The following PCDHGB5 variants were observed in gnomAD, a reference collection of about 807,000 sequenced individuals.
PCDHGB5 encodes the protein protocadherin gamma-B5.
Under a neutral mutation model 62.9 loss-of-function variants are expected in PCDHGB5, and 48 were observed. The ratio of observed to expected loss-of-function variants is 0.76; its 90% confidence interval spans 0.61 to 0.97. The LOEUF is 0.97. Ranked by LOEUF, PCDHGB5 falls within the 50% of genes least tolerant of loss-of-function variation. The pLI is 0.00. For missense variants in PCDHGB5, 1,118 were observed against 1,198.6 expected, an observed-to-expected ratio of 0.93 and a Z score of 0.99; for synonymous variants, 474 against 511.2, an observed-to-expected ratio of 0.93 and a Z score of 0.98.
chr5:141,407,589 C>G (rs1305349867), intron 1 of PCDHGB5, among the ~76,000 whole-genome samples: 1 of 151,660 alleles, frequency 6.6e-6, no homozygotes, highest in Non-Finnish European at 1.5e-5. Context: ...ACCTTAATGT[C>G]TCATCTTAAA....
At chr5:141,478,804 G>C (rs765938054) in intron 1 of PCDHGB5, 48 of 1,462,396 alleles carry the variant, frequency 3.3e-5, no homozygotes, top group Non-Finnish European at 4.1e-5. Context: ...GCACTCTTTT[G>C]CTATCACAAC....
chr5:141,489,692 G>A lies in PCDHGB5; in HGVS notation c.2398-5115G>A. 1.9e-6 allele frequency: 3 copies of A among 1,614,128 alleles called. No individual in the cohort carries two copies. The highest frequency in any genetic ancestry group is 1.7e-6 in the Non-Finnish European group (2 of 1,179,980). On this transcript the variant is annotated intron_variant, in intron 1 of 3. Coordinates refer to ENST00000617380, the MANE Select transcript of PCDHGB5 (RefSeq NM_018925.3). The surrounding 1 kb of genome is among the most constrained non-coding windows in gnomAD (Gnocchi z 4.5). The stretch of plus-strand genomic sequence containing the variant: ...TCAGAATCAGCAGCATCTGGGGCAC[G>A]ATTCCCACTGGACAGTGCCCAGGAT...
intron 1 of PCDHGB5, chr5:141,419,481 C>A (rs2096389716): frequency 2.5e-6 from 4 of 1,612,424 alleles, no homozygotes; most frequent in Non-Finnish European, 3.4e-6. Context: ...GGCTCGCCCG[C>A]GCTCAGCGCC....
At chr5:141,422,153 AT>A (rs750082013) in intron 1 of PCDHGB5, 4 of 1,575,250 alleles carry the variant, frequency 2.5e-6, no homozygotes, top group Non-Finnish European at 3.4e-6. Context: ...GGGTCTCTGG[AT>A]TTTGAAAAAT....
intron 1 of PCDHGB5, among the ~76,000 whole-genome samples, chr5:141,474,588 A>G (rs2099351676): frequency 6.6e-6 from 1 of 152,258 alleles, no homozygotes; most frequent in Non-Finnish European, 1.5e-5. Context: ...TGTTAAAGAC[A>G]TGGAAATATA....
chr5:141,491,966 G>A lies in PCDHGB5; in HGVS notation c.2398-2841G>A. 1.1e-6 allele frequency: 1 copy of A among 943,066 alleles called. No individual in the cohort carries two copies. Among genetic ancestry groups the A allele is most frequent in the Non-Finnish European group, 1.5e-6 (1 of 669,210 alleles). The allele number at this position is 943,066 out of a possible 1,614,324, so 58.4% of individuals were successfully genotyped here. On this transcript the variant is annotated intron_variant, in intron 1 of 3. Coordinates refer to ENST00000617380, the MANE Select transcript of PCDHGB5 (RefSeq NM_018925.3). The surrounding 1 kb of genome is among the most constrained non-coding windows in gnomAD (Gnocchi z 6.9). ...CCACCCCTACACTCAAAAAAGGCCG[G>A]GGCCTCCTTCGAGCTTCCGGTGAAT...
Position 141,491,454 on chromosome 5 carries a change from C to T in PCDHGB5, c.2398-3353C>T. The T allele has an allele frequency of 1.9e-6, 3 of 1,614,120 alleles. No individual in the cohort carries two copies. The highest frequency in any genetic ancestry group is 2.5e-6 in the Non-Finnish European group (3 of 1,180,032). On this transcript the variant is annotated intron_variant, in intron 1 of 3. Coordinates refer to ENST00000617380, the MANE Select transcript of PCDHGB5 (RefSeq NM_018925.3). This position sits in a 1 kb window ranked among gnomAD's most constrained non-coding sequence, Gnocchi z 6.9. ...GCTGCAGGCGCCAGGACTCACCCTCCCCGGACTTCTATAAGCAGTCCAGCC... is the reference window on the plus strand; with the variant it reads ...GCTGCAGGCGCCAGGACTCACCCTCTCCGGACTTCTATAAGCAGTCCAGCC...
At chr5:141,412,591 A>G (rs2095564760) in intron 1 of PCDHGB5, 1 of 152,214 alleles carries the variant, frequency 6.6e-6, no homozygotes, top group Non-Finnish European at 1.5e-5. Flanking sequence ...ATGAATGTAT[A>G]CTAAATAAAA....
At position 141,398,241 on chromosome 5, in the gene PCDHGB5, C is replaced by G; in HGVS notation, c.114C>G (p.Pro38=). The G allele has an allele frequency of 6.8e-7, 1 of 1,474,150 alleles. No homozygotes were observed. Among genetic ancestry groups the G allele is most frequent in the South Asian group, 1.2e-5 (1 of 80,054 alleles). 91.3% of individuals were successfully genotyped at this position (1,474,150 alleles called of 1,614,324 possible). A position where few individuals can be genotyped will look rare whatever the true frequency, so the allele number is the denominator to read the frequency against. ...ALCEQIRYRI[P]EEMPKGSVVG... is the part of the protein sequence containing the mutation. ...GTGAGCAGATCCGCTACAGGATTCCCGAGGAAATGCCCAAGGGCTCCGTAG... is the reference window on the plus strand; with the variant it reads ...GTGAGCAGATCCGCTACAGGATTCCGGAGGAAATGCCCAAGGGCTCCGTAG... The change falls in exon 1 of 4, where the codon CCC becomes CCG. Residue 38 remains proline (P), a synonymous_variant. Transcript: ENST00000617380.
At chr5:141,413,390 C>T (rs1373497766) in intron 1 of PCDHGB5, 1 of 1,614,010 alleles carries the variant, frequency 6.2e-7, no homozygotes, top group African/African-American at 1.3e-5. Context: ...CGCATAGTCT[C>T]CAGAGGTAGG....
intron 1 of PCDHGB5, among the ~76,000 whole-genome samples, chr5:141,444,703 T>A (rs963617867): frequency 6.6e-6 from 1 of 152,248 alleles, no homozygotes; most frequent in Non-Finnish European, 1.5e-5. Context: ...TTCCTCTTTC[T>A]GTTGAATTTG....
chr5:141,490,641 G>A lies in PCDHGB5; in HGVS notation c.2398-4166G>A. 3 of 1,614,160 alleles carry A rather than the reference G, an allele frequency of 1.9e-6. No homozygotes were observed. On this transcript the variant is annotated intron_variant, in intron 1 of 3. Transcript: ENST00000617380. This position sits in a 1 kb window ranked among gnomAD's most constrained non-coding sequence, Gnocchi z 5.4. Reference sequence around the variant, plus strand: ...ACACTGCTTACATCCTAGAAAACCGGCCTCCGGGCTCCCTTCTTTGCACTG... The same window carrying A: ...ACACTGCTTACATCCTAGAAAACCGACCTCCGGGCTCCCTTCTTTGCACTG...
Position 141,503,010 on chromosome 5 carries a change from AT to A in PCDHGB5, c.2457-2371del, listed in dbSNP as rs199924715. ...AGGCGTGTGCCACCATGCCCGGTTA[AT>A]TTTTTTTTTTTAATATCTATTTTAG... On this transcript the variant is annotated intron_variant, in intron 2 of 3. Coordinates refer to ENST00000617380, the MANE Select transcript of PCDHGB5 (RefSeq NM_018925.3). Among the ~76,000 whole-genome samples the A allele has an allele frequency of 6.8e-3, 997 of 146,562 alleles. 9 individuals are homozygous for A. The highest frequency in any genetic ancestry group is 0.023 in the African/African-American group (916 of 39,838).
In PCDHGB5 at chr5:141,399,746, C is replaced by G. The variant is rs1478736881; in HGVS notation, c.1619C>G (p.Ala540Gly). Residue 540 changes from alanine (A) to glycine (G), a missense_variant, in exon 1 of 4, where the codon GCA becomes GGA. Around this residue, in one of 2 missense-constraint regions of PCDHGB5, gnomAD observed 1,034 missense variants for 1,029.1 expected, o/e 1.00. Coordinates refer to ENST00000617380, the MANE Select transcript of PCDHGB5 (RefSeq NM_018925.3). ...GACCAGGGCTCGCCTGCGCTCAGCG[C>G]AAACGTGAGCCTGCGCGTGTTGGTG... Reference protein sequence around the residue: ...ARDQGSPALSANVSLRVLVGD... With the variant: ...ARDQGSPALSGNVSLRVLVGD... 4 of 1,613,242 alleles carry G rather than the reference C, an allele frequency of 2.5e-6. No homozygotes were observed. The highest frequency in any genetic ancestry group is 2.7e-5 in the African/African-American group (2 of 74,950).
At chr5:141,403,240 T>A (rs948095468) in intron 1 of PCDHGB5, 2 of 1,613,926 alleles carry the variant, frequency 1.2e-6, no homozygotes, top group Admixed American at 3.3e-5. Flanking sequence ...AGGAGCTCTG[T>A]GCTCAGAGCC....
intron 1 of PCDHGB5, chr5:141,410,592 T>C: frequency 1.2e-6 from 2 of 1,609,264 alleles, no homozygotes; most frequent in Non-Finnish European, 1.7e-6. Context: ...GGGGAGGATT[T>C]GACTTCACAT....
At chr5:141,507,017 C>CACTT (rs763489200) in intron 3 of PCDHGB5, 1 of 152,206 alleles carries the variant, frequency 6.6e-6, no homozygotes, top group Non-Finnish European at 1.5e-5. Flanking sequence ...ACCGAGAAGG[C>CACTT]ACTTGCCCCA....
intron 2 of PCDHGB5, 88 bp from the exon 3 acceptor site, chr5:141,505,305 C>G (rs1363643214): frequency 1.0e-5 from 16 of 1,595,104 alleles, no homozygotes; most frequent in African/African-American, 2.7e-5. Flanking sequence ...GGTTAGGGTA[C>G]TAGGTTTGGG....
At chr5:141,430,425 A>G (rs1298131518) in intron 1 of PCDHGB5, among the ~76,000 whole-genome samples, 3 of 152,076 alleles carry the variant, frequency 2.0e-5, no homozygotes, top group Non-Finnish European at 4.4e-5. Context: ...TAAAGCGAAT[A>G]CGGTAGATTT....
Sources: gnomAD v4.1 joint callset for allele counts (sites outside exome capture counted in the v4.1 genomes callset) on GRCh38, gnomAD v4.1.1 for gene constraint, gnomAD v4.1.1 regional missense constraint, Gnocchi (gnomAD v3.1) non-coding constraint, MANE v1.5 for transcripts, NCBI Gene and HGNC (gene_info 2026-07-23, HGNC 2026-07-21) for gene names.